PGPEP1L: variants seen among roughly 807,000 people sequenced by gnomAD.
PGPEP1L encodes pyroglutamyl-peptidase I like, also known as pyroglutamyl-peptidase 1-like protein.
A neutral mutation model predicts 6.0 loss-of-function variants in PGPEP1L; 7 were observed. The ratio of observed to expected loss-of-function variants is 1.17; its 90% confidence interval spans 0.66 to 2.19. The LOEUF (loss-of-function observed/expected upper bound fraction) is 2.19, where lower values mean the gene tolerates loss of function less well. PGPEP1L is among the 30% of genes most tolerant of loss of function. The pLI is 0.00. For synonymous variants in PGPEP1L, 103 were observed against 83.9 expected, an observed-to-expected ratio of 1.23 and a Z score of -1.24; for missense variants, 209 against 192.5, an observed-to-expected ratio of 1.09 and a Z score of -0.51.
At chr15:98,988,351 T>C (rs145515496) in intron 2 of PGPEP1L, among the ~76,000 whole-genome samples, 404 of 152,200 alleles carry the variant, frequency 2.7e-3, no homozygotes, top group Middle Eastern at 6.8e-3. Flanking sequence ...AGTTTTACCC[T>C]CACAGTGTAA....
At chr15:98,996,586 T>C (rs1282442387) in intron 2 of PGPEP1L, among the ~76,000 whole-genome samples, 1 of 151,136 alleles carries the variant, frequency 6.6e-6, no homozygotes, top group East Asian at 1.9e-4. Context: ...GTATTATGTG[T>C]GTTGTGTATG....
In PGPEP1L at chr15:99,007,342, T is replaced by G. The variant is rs1332360609; in HGVS notation, c.-370+17A>C. Reference sequence around the variant, plus strand: ...TACCTCCTCTGGTGAGCAGCTCTCCTAGCTCCTATCACTTACCTAGTTCCG... The same window carrying G: ...TACCTCCTCTGGTGAGCAGCTCTCCGAGCTCCTATCACTTACCTAGTTCCG... On this transcript the variant is annotated intron_variant, in intron 1 of 4. Transcript: ENST00000535714. The G allele has an allele frequency of 6.6e-6, 1 of 152,298 alleles. No homozygotes were observed. The highest frequency in any genetic ancestry group is 2.4e-5 in the African/African-American group (1 of 41,472). The allele number at this position is 152,298 out of a possible 1,614,324, so 9.4% of individuals were successfully genotyped here. A position where few individuals can be genotyped will look rare whatever the true frequency, so the allele number is the denominator to read the frequency against.
intron 1 of PGPEP1L, among the ~76,000 whole-genome samples, chr15:99,005,980 T>TG (rs2018051951): frequency 6.6e-6 from 1 of 152,208 alleles, no homozygotes; most frequent in Admixed American, 6.5e-5. Flanking sequence ...TTGGCCATTA[T>TG]GATTTGGTAA....
intron 2 of PGPEP1L, among the ~76,000 whole-genome samples, chr15:98,999,881 A>ATGCTGGCAG: frequency 6.6e-6 from 1 of 152,286 alleles, no homozygotes; most frequent in Non-Finnish European, 1.5e-5. Context: ...AGGTGACAGC[A>ATGCTGGCAG]TGCTGGCAGT....
intron 2 of PGPEP1L, among the ~76,000 whole-genome samples, chr15:98,987,287 G>C (rs984107393): frequency 6.6e-6 from 1 of 151,876 alleles, no homozygotes; most frequent in Admixed American, 6.6e-5. Flanking sequence ...TGGAGTGTTG[G>C]TGGTAGAGTC....
At chr15:98,973,940 A>G (rs1448333284) in intron 2 of PGPEP1L, among the ~76,000 whole-genome samples, 1 of 152,242 alleles carries the variant, frequency 6.6e-6, no homozygotes, top group Non-Finnish European at 1.5e-5. Flanking sequence ...AACAGAATCA[A>G]CAAGCCTTTA....
At chr15:98,999,877 C>T (rs1476971138) in intron 2 of PGPEP1L, among the ~76,000 whole-genome samples, 4 of 152,278 alleles carry the variant, frequency 2.6e-5, no homozygotes, top group African/African-American at 9.6e-5. Context: ...GAGAAGGTGA[C>T]AGCATGCTGG....
chr15:98,993,869 AAAC>A (rs1205182941), intron 2 of PGPEP1L, among the ~76,000 whole-genome samples: 27 of 152,320 alleles, frequency 1.8e-4, no homozygotes, highest in African/African-American at 5.8e-4. Flanking sequence ...TGAAAAAACA[AAAC>A]AACAAAAAAA....
intron 1 of PGPEP1L, 75 bp from the exon 2 acceptor site, chr15:99,005,731 C>G (rs1354443525): frequency 6.6e-6 from 1 of 152,560 alleles, no homozygotes; most frequent in African/African-American, 2.4e-5. Flanking sequence ...GGAGCGCCAG[C>G]AGGGACTTTC....
chr15:98,981,513 CAAAACAAAAACAACA>C (rs1017459204), intron 2 of PGPEP1L, among the ~76,000 whole-genome samples: 1 of 132,328 alleles, frequency 7.6e-6, no homozygotes, highest in African/African-American at 3.1e-5. Flanking sequence ...AAAACAAAAA[CAAAACAAAAACAACA>C]AACAAAACTA....
chr15:98,990,971 G>A (rs1208907901), intron 2 of PGPEP1L, among the ~76,000 whole-genome samples: 1 of 152,182 alleles, frequency 6.6e-6, no homozygotes, highest in African/African-American at 2.4e-5. Flanking sequence ...GCAGTGTGTA[G>A]AGGGAATTTT....
chr15:99,001,127 C>T (rs182287577), intron 2 of PGPEP1L: 34 of 446,372 alleles, frequency 7.6e-5, no homozygotes, highest in African/African-American at 6.7e-4. Context: ...CTGAACACAT[C>T]CAAACATCAG....
intron 2 of PGPEP1L, among the ~76,000 whole-genome samples, chr15:98,980,931 T>C (rs1345373790): frequency 2.6e-5 from 2 of 75,976 alleles, no homozygotes; most frequent in Non-Finnish European, 6.3e-5. Context: ...AGACTCCATC[T>C]GGAAAAGGAA....
intron 2 of PGPEP1L, among the ~76,000 whole-genome samples, chr15:98,976,296 T>C (rs1315447421): frequency 6.6e-6 from 1 of 152,238 alleles, no homozygotes; most frequent in Admixed American, 6.5e-5. Context: ...CCAACATTTT[T>C]TAACCTGACT....
At chr15:98,977,661 T>TG (rs1423194637) in intron 2 of PGPEP1L, among the ~76,000 whole-genome samples, 1 of 152,174 alleles carries the variant, frequency 6.6e-6, no homozygotes, top group African/African-American at 2.4e-5. Flanking sequence ...CCATGCTGGG[T>TG]GGAGTGTTCT....
intron 2 of PGPEP1L, among the ~76,000 whole-genome samples, chr15:98,972,285 A>G (rs1385484066): frequency 6.6e-6 from 1 of 152,070 alleles, no homozygotes; most frequent in Non-Finnish European, 1.5e-5. Context: ...CCTGGGAGGC[A>G]GAGGTTGCAG....
chr15:98,977,923 T>A (rs2017593696), intron 2 of PGPEP1L, among the ~76,000 whole-genome samples: 3 of 152,216 alleles, frequency 2.0e-5, no homozygotes, highest in Admixed American at 6.5e-5. Flanking sequence ...GCTTAATACC[T>A]AATTGCTACA....
intron 2 of PGPEP1L, among the ~76,000 whole-genome samples, chr15:98,994,001 C>A (rs2017854111): frequency 6.6e-6 from 1 of 152,182 alleles, no homozygotes; most frequent in Non-Finnish European, 1.5e-5. Flanking sequence ...GGCACAGTGA[C>A]TCATGCCTGT....
Position 99,007,700 on chromosome 15 carries a change from GCGGACCCAAAC to G in PGPEP1L, c.-722_-712del, listed in dbSNP as rs2018104632. 6.6e-6 allele frequency: 1 copy of G among 152,214 alleles called. No homozygotes were observed. The highest frequency in any genetic ancestry group is 2.4e-5 in the African/African-American group (1 of 41,430). The allele number at this position is 152,214 out of a possible 1,614,324, so 9.4% of individuals were successfully genotyped here. On this transcript the variant is annotated 5_prime_UTR_variant, in exon 1 of 5. Transcript: ENST00000535714. Reference sequence around the variant, plus strand: ...GAGCGTTACAGCTCATAAAGGCAGTGCGGACCCAAACAGTAAGCAGCAGCAACGGTTATTGC... The same window carrying G: ...GAGCGTTACAGCTCATAAAGGCAGTGAGTAAGCAGCAGCAACGGTTATTGC...
Sources: allele counts gnomAD v4.1 joint callset (sites outside exome capture counted in the v4.1 genomes callset), GRCh38; gene constraint gnomAD v4.1.1; transcripts MANE v1.5; gene names NCBI Gene and HGNC (gene_info 2026-07-23, HGNC 2026-07-21).